ATR: variants seen among roughly 807,000 people sequenced by gnomAD.
ATR encodes the protein ATR checkpoint kinase.
ATR carries 142 observed loss-of-function variants against 305.3 expected under a neutral mutation model. The ratio of observed to expected loss-of-function variants is 0.47; its 90% CI spans 0.41 to 0.53. The LOEUF is 0.53. Ranked by LOEUF, ATR falls within the 20% of genes least tolerant of loss-of-function variation. The pLI is 0.00. For missense variants in ATR, 2,135 were observed against 3,133.1 expected (o/e 0.68, Z 7.60); for synonymous variants, 1,050 against 1,068.1 (o/e 0.98, Z 0.33).
chr3:142,550,324 T>C, intron 13 of ATR, 22 bp from the exon 14 acceptor site: 1 of 1,611,988 alleles, frequency 6.2e-7, no homozygotes, highest in Non-Finnish European at 8.5e-7. Context: ...ACCATTTTAT[T>C]GTGAGTTTTC....
intron 23 of ATR, 53 bp downstream of exon 23, chr3:142,522,675 T>C (rs779057751): frequency 1.4e-6 from 2 of 1,410,814 alleles, no homozygotes; most frequent in Non-Finnish European, 2.0e-6. Flanking sequence ...ATTTACAACG[T>C]TCTTATTTGA....
At chr3:142,522,634 T>A in intron 23 of ATR, 94 bp downstream of exon 23, 2 of 1,095,534 alleles carry the variant, frequency 1.8e-6, no homozygotes, top group Non-Finnish European at 2.8e-6. Context: ...AAAGTGAGAA[T>A]TAAAACAAAA....
intron 24 of ATR, among the ~76,000 whole-genome samples, chr3:142,516,984 AATATATAT>A (rs534243837): frequency 7.2e-6 from 1 of 139,130 alleles, no homozygotes; most frequent in African/African-American, 2.7e-5. Context: ...ATACCCAAAT[AATATATAT>A]ATATATATAT....
At position 142,469,630 on chromosome 3, in the gene ATR, C is replaced by A. The variant is rs1236937215; in HGVS notation, c.6320-61G>T. On this transcript the variant is annotated intron_variant, in intron 37 of 46. Coordinates refer to ENST00000350721, the MANE Select transcript of ATR (RefSeq NM_001184.4). ...AAAGAGAAAAATCAGTATATCAGTTCATTTCACAGAAGAAAAATTTTGCTT... is the reference window on the plus strand; with the variant it reads ...AAAGAGAAAAATCAGTATATCAGTTAATTTCACAGAAGAAAAATTTTGCTT... The A allele has an allele frequency of 2.1e-6, 3 of 1,430,910 alleles. No homozygotes were observed. In the South Asian group the frequency reaches 3.5e-5, roughly 17 times the overall value. 88.6% of individuals were successfully genotyped at this position (1,430,910 alleles called of 1,614,324 possible). A position where few individuals can be genotyped will look rare whatever the true frequency, so the allele number is the denominator to read the frequency against.
intron 42 of ATR, 58 bp from the exon 43 acceptor site, chr3:142,459,441 T>G (rs1166468653): frequency 6.3e-7 from 1 of 1,582,268 alleles, no homozygotes; most frequent in East Asian, 2.2e-5. Context: ...AGGGGCAAAG[T>G]TTTTTTTGTT....
chr3:142,540,786 G>T, intron 18 of ATR, 118 bp downstream of exon 18: 1 of 1,219,260 alleles, frequency 8.2e-7, no homozygotes, highest in South Asian at 1.5e-5. Context: ...CAAATAAATA[G>T]TCTTTCTACC....
intron 19 of ATR, 106 bp from the exon 20 acceptor site, chr3:142,536,307 T>TTG: frequency 1.3e-6 from 1 of 790,790 alleles, no homozygotes; most frequent in Non-Finnish European, 2.2e-6. Flanking sequence ...TAATTAAAAG[T>TTG]GCTAGTTGAT....
At chr3:142,533,073 G>A (rs2033723165) in intron 21 of ATR, among the ~76,000 whole-genome samples, 1 of 151,964 alleles carries the variant, frequency 6.6e-6, no homozygotes, top group Non-Finnish European at 1.5e-5. Context: ...CCCAGGCAAG[G>A]GGACTGCATG....
rs768261646 is a variant in ATR, at chr3:142,556,539, G to A, written c.1922C>T (p.Thr641Ile). ...QAQSRCVFLL[T>I]LFPRRIFLEW... ...AAGGAATATTCTTCTTGGAAACAGA[G>A]TCAGAAGAAACACACATCGTGATTG... Residue 641 changes from threonine to isoleucine, a missense_variant, in exon 9 of 47, where the codon ACT becomes ATT. Thr to Ile is a moderately conservative substitution (Grantham distance 89). Around this residue, in one of 9 missense-constraint regions of ATR, gnomAD observed 744 missense variants for 873.2 expected, o/e 0.85. Transcript: ENST00000350721. The A allele has an allele frequency of 6.2e-7, 1 of 1,614,018 alleles. No homozygotes were observed. Among genetic ancestry groups the A allele is most frequent in the Non-Finnish European group, 8.5e-7 (1 of 1,179,960 alleles).
intron 11 of ATR, 21 bp downstream of exon 11, chr3:142,553,804 T>C (rs2108464804): frequency 6.2e-7 from 1 of 1,612,620 alleles, no homozygotes; most frequent in Non-Finnish European, 8.5e-7. Context: ...AACTCAAATG[T>C]TAAAAACAAA....
intron 36 of ATR, among the ~76,000 whole-genome samples, chr3:142,483,343 T>G (rs941446742): frequency 6.6e-6 from 1 of 151,138 alleles, no homozygotes; most frequent in African/African-American, 2.5e-5. Context: ...AATTAATAAT[T>G]TATAAAAACA....
In ATR at chr3:142,560,296, C is replaced by T. The variant is rs2108482592; in HGVS notation, c.1508G>A (p.Cys503Tyr). Residue 503 changes from cysteine (C) to tyrosine (Y), a missense_variant, in exon 6 of 47, where the codon TGT becomes TAT. Cys to Tyr is a radical substitution (Grantham distance 194). Transcript: ENST00000350721. Reference sequence around the variant, plus strand: ...GTTTTGATGAGAACAATGAACAGTACACAGAGCAGTCAGTTGTAAGACAAC... The same window carrying T: ...GTTTTGATGAGAACAATGAACAGTATACAGAGCAGTCAGTTGTAAGACAAC... ...IAVVLQLTAL[C>Y]TVHCSHQNMN... 6.2e-7 allele frequency: 1 copy of T among 1,613,888 alleles called. No homozygotes were observed. The highest frequency in any genetic ancestry group is 1.3e-5 in the African/African-American group (1 of 75,006).
At chr3:142,560,106 G>A (rs889410530) in intron 6 of ATR, among the ~76,000 whole-genome samples, 157 bp downstream of exon 6, 1 of 152,118 alleles carries the variant, frequency 6.6e-6, no homozygotes, top group Non-Finnish European at 1.5e-5. Context: ...GCTTAGCACC[G>A]TACCTAGCAT....
intron 45 of ATR, among the ~76,000 whole-genome samples, chr3:142,457,017 C>A (rs1305903527): frequency 3.3e-5 from 5 of 152,128 alleles, no homozygotes; most frequent in Non-Finnish European, 5.9e-5. Flanking sequence ...CACAGCCACA[C>A]TATTTATAAT....
chr3:142,453,213 T>C lies in ATR; in HGVS notation c.7676A>G (p.His2559Arg), dbSNP rs1206972227. 6.2e-7 allele frequency: 1 copy of C among 1,613,426 alleles called. No individual in the cohort carries two copies. Among genetic ancestry groups the C allele is most frequent in the Non-Finnish European group, 8.5e-7 (1 of 1,179,350 alleles). Residue 2559 changes from histidine (H) to arginine (R), a missense_variant, in exon 46 of 47, where the codon CAT (histidine) becomes CGT (arginine). His to Arg is a conservative substitution (Grantham distance 29). Coordinates refer to ENST00000350721, the MANE Select transcript of ATR (RefSeq NM_001184.4). ...TTTACTCCATTCCACAAGAGGATCATGTAGAAAAGTCTTTAAGACACTAAA... is the reference window on the plus strand; with the variant it reads ...TTTACTCCATTCCACAAGAGGATCACGTAGAAAAGTCTTTAAGACACTAAA... ...PLMSVLKTFL[H>R]DPLVEWSKPV...
At chr3:142,544,686 A>G (rs562216406) in intron 16 of ATR, among the ~76,000 whole-genome samples, 2 of 151,524 alleles carry the variant, frequency 1.3e-5, no homozygotes, top group African/African-American at 4.8e-5. Context: ...GAACTCCATA[A>G]GAAAGTTGCA....
chr3:142,552,669 C>CAAAAAAAAAA (rs143475912), intron 13 of ATR, among the ~76,000 whole-genome samples: 1 of 93,326 alleles, frequency 1.1e-5, no homozygotes, highest in African/African-American at 4.2e-5. Context: ...TACTCCATCT[C>CAAAAAAAAAA]AAAAAAAAAA....
intron 1 of ATR, 104 bp from the exon 2 acceptor site, chr3:142,568,258 T>C (rs1274594810): frequency 6.1e-6 from 5 of 819,420 alleles, no homozygotes; most frequent in South Asian, 1.5e-5. Flanking sequence ...AGTGTCAATG[T>C]TGATATTCAC....
intron 30 of ATR, among the ~76,000 whole-genome samples, chr3:142,500,429 G>A (rs1272287989): frequency 6.6e-6 from 1 of 152,094 alleles, no homozygotes; most frequent in Non-Finnish European, 1.5e-5. Flanking sequence ...GAAACCGCTA[G>A]GCTTTCCTCA....
Sources: gnomAD v4.1 joint callset for allele counts (sites outside exome capture counted in the v4.1 genomes callset) on GRCh38, gnomAD v4.1.1 for gene constraint, gnomAD v4.1.1 regional missense constraint, MANE v1.5 for transcripts, NCBI Gene and HGNC (gene_info 2026-07-23, HGNC 2026-07-21) for gene names.